Variants in TBC1D31 observed in about 807,000 individuals in gnomAD.
TBC1D31 encodes WD repeat domain 67.
TBC1D31 carries 99 observed loss-of-function variants against 132.9 expected under a neutral mutation model. That is an observed-to-expected ratio of 0.74 (90% CI 0.63 to 0.88). TBC1D31 has a LOEUF of 0.88. Among genes scored for constraint, TBC1D31 ranks in the 40% least tolerant of loss-of-function variants. TBC1D31 has a pLI of 0.00. For missense variants in TBC1D31, 1,134 were observed against 1,256.6 expected (o/e 0.90, Z 1.48); for synonymous variants, 385 against 419.4 (o/e 0.92, Z 1.00).
At chr8:123,105,242 C>A (rs1817811838) in intron 7 of TBC1D31, 46 bp from the exon 8 acceptor site, 1 of 1,350,678 alleles carries the variant, frequency 7.4e-7, no homozygotes, top group South Asian at 2.0e-5. Flanking sequence ...GGCCTGTCTT[C>A]CAAGGATATC....
At chr8:123,089,094 G>C (rs2130039855) in intron 4 of TBC1D31, among the ~76,000 whole-genome samples, 1 of 152,214 alleles carries the variant, frequency 6.6e-6, no homozygotes, top group African/African-American at 2.4e-5. Context: ...AATTTTTTGA[G>C]TGCTAACATG....
At position 123,134,221 on chromosome 8, in the gene TBC1D31, T is replaced by C; in HGVS notation, c.2499+15T>C. On this transcript the variant is annotated intron_variant, in intron 17 of 21. Transcript: ENST00000287380. ...TTTATGAGAAGGTATAATTCAGTTA[T>C]TTCCAACATAAGAAAAGCAGGTTTT... 1 of 1,608,758 alleles carries C rather than the reference T, an allele frequency of 6.2e-7. No individual in the cohort carries two copies. Among genetic ancestry groups the C allele is most frequent in the Non-Finnish European group, 8.5e-7 (1 of 1,175,454 alleles).
intron 1 of TBC1D31, chr8:123,075,150 T>C (rs1814366646): frequency 6.6e-6 from 1 of 152,204 alleles, no homozygotes; most frequent in Admixed American, 6.5e-5. Context: ...AAAATAAGAC[T>C]GGAGGAAAAA....
At chr8:123,112,160 C>T (rs961530251) in intron 10 of TBC1D31, among the ~76,000 whole-genome samples, 40 of 152,200 alleles carry the variant, frequency 2.6e-4, no homozygotes, top group African/African-American at 9.4e-4. Context: ...TGAGCCACCA[C>T]ACCCAGCCCA....
chr8:123,128,602 C>T (rs764608887), intron 14 of TBC1D31, 89 bp downstream of exon 14: 131 of 1,053,942 alleles, frequency 1.2e-4, no homozygotes, highest in Non-Finnish European at 1.4e-4. Context: ...TTTGGCTGAG[C>T]GCGGTGGCTC....
Position 123,140,847 on chromosome 8 carries a change from CAT to C in TBC1D31, c.2587_2588del (p.Met863ValfsTer3), listed in dbSNP as rs780389946. ...YRRKVDLEEHMFHKLIEAGET... is the reference protein window; with the variant it reads ...YRRKVDLEEHXFHKLIEAGET... ...GACGAAAAGTGGATCTTGAAGAACA[CAT>C]GTTTCATAAGCTGATAGAAGCAGGT... On this transcript the variant is annotated frameshift_variant, in exon 18 of 22. Transcript: ENST00000287380. LOFTEE classifies it high-confidence loss of function. 32 of 1,613,528 alleles carry C rather than the reference CAT, an allele frequency of 2.0e-5. No homozygotes were observed. Among genetic ancestry groups the C allele is most frequent in the East Asian group, 4.5e-5 (2 of 44,876 alleles).
rs77392779 is a variant in TBC1D31 at position 123,111,259 on chromosome 8, G to A, written c.1436+1639G>A. ...ACATCCATTATTTCACCAGAGATTA[G>A]CAAAACAGTGATAATATAATTCTGT... On this transcript the variant is annotated intron_variant, in intron 10 of 21. Coordinates refer to ENST00000287380, the MANE Select transcript of TBC1D31 (RefSeq NM_145647.4). Among the ~76,000 whole-genome samples, 165 of 152,224 alleles carry A rather than the reference G, an allele frequency of 1.1e-3. 1 individual carries two copies. The highest frequency in any genetic ancestry group is 3.2e-3 in the Admixed American group (49 of 15,286).
chr8:123,083,864 C>G, intron 3 of TBC1D31: 1 of 273,366 alleles, frequency 3.7e-6, no homozygotes, highest in East Asian at 7.5e-5. Context: ...AGATATGGTA[C>G]TCTTTTACAT....
downstream of TBC1D31, chr8:123,152,182 C>G: frequency 3.0e-6 from 1 of 334,030 alleles, no homozygotes; most frequent in African/African-American, 2.1e-5. Context: ...GTTGCAGGGA[C>G]CAGCATAAAC....
chr8:123,084,272 T>C lies in TBC1D31; in HGVS notation c.451T>C (p.Leu151=). The C allele has an allele frequency of 6.2e-7, 1 of 1,614,146 alleles. No homozygotes were observed. Among genetic ancestry groups the C allele is most frequent in the Non-Finnish European group, 8.5e-7 (1 of 1,180,018 alleles). ...AITTSSDTAQ[L]WDLDTFQRKR... Reference sequence around the variant, plus strand: ...CACAACTTCTTCTGATACAGCACAATTATGGGACTTGGATACCTTTCAGAG... The same window carrying C: ...CACAACTTCTTCTGATACAGCACAACTATGGGACTTGGATACCTTTCAGAG... Residue 151 remains leucine, a synonymous_variant, in exon 4 of 22, where the codon TTA becomes CTA. Transcript: ENST00000287380.
At chr8:123,129,242 A>T in intron 15 of TBC1D31, 24 bp downstream of exon 15, 1 of 1,451,348 alleles carries the variant, frequency 6.9e-7, no homozygotes, top group Non-Finnish European at 9.2e-7. Flanking sequence ...CTTTAAAAAA[A>T]AATCTGGACA....
downstream of TBC1D31, among the ~76,000 whole-genome samples, chr8:123,152,606 C>T (rs189720958): frequency 1.3e-5 from 2 of 152,188 alleles, no homozygotes; most frequent in Admixed American, 6.5e-5. Context: ...CGTGGTGGCT[C>T]ACACCTGTAA....
intron 7 of TBC1D31, chr8:123,102,521 T>C: frequency 3.5e-6 from 1 of 283,216 alleles, no homozygotes; most frequent in Non-Finnish European, 6.9e-6. Flanking sequence ...AGATTCTGAT[T>C]TATATGTTCC....
chr8:123,106,909 C>T lies in TBC1D31; in HGVS notation c.1209+1445C>T, dbSNP rs543181483. On this transcript the variant is annotated intron_variant, in intron 8 of 21. Transcript: ENST00000287380. ...CCAGAAGAAACCAGGCACAAGCTTC[C>T]GGGAATCTTCTCCCACTGGAGTCAC... is the stretch of plus-strand genomic sequence containing the variant. Among the ~76,000 whole-genome samples the T allele has an allele frequency of 8.5e-5, 13 of 152,218 alleles. No homozygotes were observed. The South Asian group carries it at 1.5e-3, about 17-fold the overall frequency.
chr8:123,076,338 A>ATGTGTGTGTG (rs71310650), intron 1 of TBC1D31, among the ~76,000 whole-genome samples: 9 of 149,340 alleles, frequency 6.0e-5, no homozygotes, highest in African/African-American at 2.2e-4. Context: ...AATTGTGTGT[A>ATGTGTGTGTG]TGTGTGTGTG....
chr8:123,089,695 G>A (rs1563680768), intron 4 of TBC1D31, among the ~76,000 whole-genome samples: 1 of 152,178 alleles, frequency 6.6e-6, no homozygotes, highest in Non-Finnish European at 1.5e-5. Context: ...GCGACAGAGT[G>A]AGCTCCTGTC....
At chr8:123,160,906 G>T in the TBC1D31 span, among the ~76,000 whole-genome samples, 1 of 152,194 alleles carries the variant, frequency 6.6e-6, no homozygotes, top group African/African-American at 2.4e-5. Context: ...TCCCAGCTGC[G>T]GCGATGAGGT....
chr8:123,079,619 G>A (rs960480406), intron 2 of TBC1D31, among the ~76,000 whole-genome samples: 11 of 152,006 alleles, frequency 7.2e-5, no homozygotes, highest in Admixed American at 6.5e-4. Context: ...CTTCAACATC[G>A]AGGACTCTTT....
chr8:123,116,004 T>C (rs1044811574), intron 10 of TBC1D31, among the ~76,000 whole-genome samples: 3 of 152,160 alleles, frequency 2.0e-5, no homozygotes, highest in African/African-American at 7.2e-5. Context: ...CTATAAAGTA[T>C]ACTCAGAAAA....
Sources: allele counts gnomAD v4.1 joint callset (sites outside exome capture counted in the v4.1 genomes callset), GRCh38; gene constraint gnomAD v4.1.1; transcripts MANE v1.5; gene names NCBI Gene and HGNC (gene_info 2026-07-23, HGNC 2026-07-21).